The following ATG7 variants were observed in gnomAD, a reference collection of about 807,000 sequenced individuals.
ATG7 encodes autophagy related 7, also known as ubiquitin-like modifier-activating enzyme ATG7.
ATG7 carries 70 observed loss-of-function variants against 82.4 expected under a neutral mutation model. That is an observed-to-expected ratio of 0.85 (90% CI 0.70 to 1.04). The LOEUF is 1.04. Ranked by LOEUF, ATG7 falls within the 50% of genes least tolerant of loss-of-function variation. ATG7 has a pLI of 0.00. For synonymous variants in ATG7, 287 were observed against 313.0 expected (o/e 0.92, Z 0.88); for missense variants, 792 against 864.3 (o/e 0.92, Z 1.05).
chr3:11,441,376 G>A (rs2083941317), intron 20 of ATG7, among the ~76,000 whole-genome samples: 1 of 151,752 alleles, frequency 6.6e-6, no homozygotes, highest in African/African-American at 2.4e-5. Context: ...CGAATAGCTG[G>A]GATTACAGGT....
At chr3:11,349,690 C>A (rs1422658181) in intron 14 of ATG7, among the ~76,000 whole-genome samples, 3 of 152,090 alleles carry the variant, frequency 2.0e-5, no homozygotes, top group African/African-American at 7.2e-5. Context: ...TGCCTGGTTC[C>A]AAAGAGGTTT....
chr3:11,289,662 A>G (rs1944639571), intron 3 of ATG7, among the ~76,000 whole-genome samples: 3 of 152,132 alleles, frequency 2.0e-5, no homozygotes, highest in Admixed American at 1.3e-4. Flanking sequence ...GGCTCGAGCT[A>G]TCTTCCTACC....
chr3:11,576,190 G>A, the ATG7 span, among the ~76,000 whole-genome samples: 14 of 152,214 alleles, frequency 9.2e-5, no homozygotes, highest in Admixed American at 7.9e-4. Flanking sequence ...AGCAGTGGAT[G>A]CCCACCTGCG....
chr3:11,374,793 A>G (rs2077270979), intron 18 of ATG7, among the ~76,000 whole-genome samples: 1 of 149,948 alleles, frequency 6.7e-6, no homozygotes, highest in Admixed American at 6.8e-5. Context: ...AGTCCCAGCT[A>G]CTCGGGAGGC....
intron 20 of ATG7, among the ~76,000 whole-genome samples, chr3:11,429,805 C>T (rs539070293): frequency 7.9e-5 from 12 of 152,024 alleles, no homozygotes; most frequent in East Asian, 5.9e-4. Context: ...AAATCTAGCC[C>T]GGTGTGGCAA....
intron 18 of ATG7, among the ~76,000 whole-genome samples, chr3:11,378,684 CCAAAAA>C (rs2077631143): frequency 8.7e-5 from 2 of 22,992 alleles, no homozygotes; most frequent in Middle Eastern, 0.021. Context: ...GACTCCATCT[CCAAAAA>C]AAAAAAAAAA....
At chr3:11,298,572 T>TAAACATTTCCAATCTCTTCTCA in intron 3 of ATG7, 114 bp from the exon 4 acceptor site, 1 of 1,024,142 alleles carries the variant, frequency 9.8e-7, no homozygotes, top group Non-Finnish European at 1.4e-6. Context: ...AGGTAGCCTG[T>TAAACATTTCCAATCTCTTCTCA]AAACATCTCA....
At chr3:11,546,400 G>A (rs1196115528) in intron 20 of ATG7, among the ~76,000 whole-genome samples, 1 of 152,124 alleles carries the variant, frequency 6.6e-6, no homozygotes, top group Non-Finnish European at 1.5e-5. Context: ...TCGAACTCCT[G>A]ACCTCAGGTG....
At chr3:11,332,313 A>G (rs1370398765) in intron 10 of ATG7, among the ~76,000 whole-genome samples, 1 of 152,242 alleles carries the variant, frequency 6.6e-6, no homozygotes, top group Non-Finnish European at 1.5e-5. Context: ...CCATTTATGT[A>G]AAGTTAAAAT....
chr3:11,486,887 G>C (rs1002084041), intron 20 of ATG7, among the ~76,000 whole-genome samples: 7 of 149,098 alleles, frequency 4.7e-5, no homozygotes, highest in Admixed American at 4.0e-4. Context: ...CACAGAGGGG[G>C]ATTTGGCAGG....
chr3:11,411,088 A>G (rs1384662842), intron 19 of ATG7, among the ~76,000 whole-genome samples: 1 of 152,138 alleles, frequency 6.6e-6, no homozygotes, highest in South Asian at 2.1e-4. Context: ...TTATCGTCAC[A>G]TGCTCATCAA....
intron 20 of ATG7, among the ~76,000 whole-genome samples, chr3:11,473,232 A>G (rs1376434301): frequency 2.0e-5 from 3 of 152,064 alleles, no homozygotes; most frequent in Non-Finnish European, 2.9e-5. Flanking sequence ...CAGCATAGCT[A>G]TTTCCCAGCA....
chr3:11,314,364 G>A (rs971449597), intron 8 of ATG7, among the ~76,000 whole-genome samples: 4 of 152,040 alleles, frequency 2.6e-5, no homozygotes, highest in Non-Finnish European at 5.9e-5. Flanking sequence ...CATCATTCAG[G>A]GAGCTCTCTT....
chr3:11,442,944 A>G (rs943367405), intron 20 of ATG7, among the ~76,000 whole-genome samples: 83 of 151,990 alleles, frequency 5.5e-4, no homozygotes, highest in African/African-American at 1.9e-3. Context: ...ACAAAAGGAA[A>G]AACAACTATT....
rs2072438237 is a variant in ATG7 at position 11,556,612 on chromosome 3, A to C, written c.*1769A>C. On this transcript the variant is annotated 3_prime_UTR_variant, in exon 21 of 21. Transcript: ENST00000693202. The stretch of plus-strand genomic sequence containing the variant: ...CAAATCTACGACAAAAAAAAAGATC[A>C]ACTTTTTTTTTCCGAACAACAAAAA... 1 of 152,266 alleles carries C rather than the reference A, an allele frequency of 6.6e-6. No individual in the cohort carries two copies. 9.4% of individuals were successfully genotyped at this position (152,266 alleles called of 1,614,324 possible). A position where few individuals can be genotyped will look rare whatever the true frequency, so the allele number is the denominator to read the frequency against.
intron 19 of ATG7, among the ~76,000 whole-genome samples, chr3:11,401,571 T>C (rs989878083): frequency 2.6e-5 from 4 of 152,258 alleles, no homozygotes; most frequent in Admixed American, 6.5e-5. Flanking sequence ...CACTTCATGC[T>C]CAGCTTTTAA....
At chr3:11,447,165 C>T (rs9838141) in intron 20 of ATG7, among the ~76,000 whole-genome samples, 77,456 of 151,990 alleles carry the variant, frequency 0.51, 20,626 homozygotes, top group East Asian at 0.68. Flanking sequence ...CTCTTTTTAG[C>T]ATAAAAGAGT....
intron 20 of ATG7, among the ~76,000 whole-genome samples, chr3:11,518,929 G>C (rs1207572195): frequency 6.6e-6 from 1 of 152,062 alleles, no homozygotes; most frequent in Non-Finnish European, 1.5e-5. Flanking sequence ...GTTGATCTCA[G>C]AATTCTCTTG....
chr3:11,571,453 G>A, the ATG7 span, among the ~76,000 whole-genome samples: 4 of 152,112 alleles, frequency 2.6e-5, no homozygotes, highest in South Asian at 6.2e-4. Context: ...GGAGGCCAAC[G>A]TAGGTGGACT....
Sources: allele counts gnomAD v4.1 joint callset (sites outside exome capture counted in the v4.1 genomes callset), GRCh38; gene constraint gnomAD v4.1.1; transcripts MANE v1.5; gene names NCBI Gene and HGNC (gene_info 2026-07-23, HGNC 2026-07-21).